CCDC178: variants seen among roughly 807,000 people sequenced by gnomAD.
CCDC178 encodes the protein coiled-coil domain-containing protein 178.
CCDC178 carries 126 observed loss-of-function variants against 117.4 expected under a neutral mutation model. That is an observed-to-expected ratio of 1.07 (90% CI 0.93 to 1.24). The LOEUF (loss-of-function observed/expected upper bound fraction) is 1.24. Among genes scored for constraint, CCDC178 ranks in the 50% most tolerant of loss-of-function variants. The pLI is 0.00. For synonymous variants in CCDC178, 283 were observed against 313.4 expected (o/e 0.90, Z 1.02); for missense variants, 1,030 against 986.9 (o/e 1.04, Z -0.59).
At chr18:32,961,787 C>T (rs1195976743) in intron 22 of CCDC178, among the ~76,000 whole-genome samples, 4 of 152,084 alleles carry the variant, frequency 2.6e-5, no homozygotes, top group Admixed American at 6.6e-5. Context: ...GGCTGCTCAC[C>T]TTCTACTGTG....
chr18:33,369,896 T>C (rs1260560575), intron 6 of CCDC178, among the ~76,000 whole-genome samples, 154 bp downstream of exon 6: 1 of 152,012 alleles, frequency 6.6e-6, no homozygotes, highest in Non-Finnish European at 1.5e-5. Flanking sequence ...AAAACATGTC[T>C]AGACTAGTAA....
intron 15 of CCDC178, among the ~76,000 whole-genome samples, chr18:33,228,410 T>C (rs761048486): frequency 1.4e-4 from 21 of 152,208 alleles, no homozygotes; most frequent in Non-Finnish European, 1.9e-4. Context: ...ATTAATATTG[T>C]TTGAAAAGAA....
At chr18:33,187,693 A>C (rs189111924) in intron 20 of CCDC178, among the ~76,000 whole-genome samples, 301 of 152,296 alleles carry the variant, frequency 2.0e-3, no homozygotes, top group Non-Finnish European at 2.9e-3. Flanking sequence ...GATCAGGCCA[A>C]ATTTATTCAT....
intron 20 of CCDC178, among the ~76,000 whole-genome samples, chr18:33,097,694 T>C (rs545050957): frequency 1.3e-4 from 20 of 152,200 alleles, no homozygotes; most frequent in Non-Finnish European, 2.8e-4. Context: ...TCATAAAATG[T>C]AATGACATTA....
chr18:33,002,070 T>C (rs2055647784), intron 21 of CCDC178, among the ~76,000 whole-genome samples: 1 of 152,116 alleles, frequency 6.6e-6, no homozygotes, highest in African/African-American at 2.4e-5. Context: ...AATCTCAACA[T>C]AATAACAGCT....
chr18:33,343,567 C>T (rs539062396), intron 9 of CCDC178, among the ~76,000 whole-genome samples: 8 of 152,190 alleles, frequency 5.3e-5, no homozygotes, highest in African/African-American at 1.9e-4. Context: ...TGGTCTCTTG[C>T]CACAGATTCC....
chr18:33,011,589 C>A (rs920646294), intron 21 of CCDC178, among the ~76,000 whole-genome samples: 2 of 151,608 alleles, frequency 1.3e-5, no homozygotes, highest in African/African-American at 2.4e-5. Flanking sequence ...ACATCATTAG[C>A]AACATGAAAC....
chr18:33,343,344 A>G (rs1038639814), intron 9 of CCDC178, among the ~76,000 whole-genome samples: 1 of 152,224 alleles, frequency 6.6e-6, no homozygotes, highest in Non-Finnish European at 1.5e-5. Flanking sequence ...TTGTAGGATC[A>G]TATACTACCA....
intron 5 of CCDC178, among the ~76,000 whole-genome samples, chr18:33,386,140 C>T (rs2063488652): frequency 6.6e-6 from 1 of 152,022 alleles, no homozygotes; most frequent in South Asian, 2.1e-4. Flanking sequence ...CCTCCCAGGT[C>T]GGGGGGTGAA....
At chr18:33,408,232 A>T (rs1185040358) in intron 3 of CCDC178, among the ~76,000 whole-genome samples, 1 of 152,008 alleles carries the variant, frequency 6.6e-6, no homozygotes, top group Non-Finnish European at 1.5e-5. Flanking sequence ...ATAAAGAATG[A>T]TCTTTACAAA....
At chr18:33,355,914 C>T (rs538720958) in intron 7 of CCDC178, among the ~76,000 whole-genome samples, 3 of 152,286 alleles carry the variant, frequency 2.0e-5, no homozygotes, top group Admixed American at 2.0e-4. Context: ...GTGTACACTG[C>T]TCTCTTCATA....
At chr18:33,222,354 CTTAG>C (rs1239566499) in intron 18 of CCDC178, among the ~76,000 whole-genome samples, 1 of 148,680 alleles carries the variant, frequency 6.7e-6, no homozygotes, top group Non-Finnish European at 1.5e-5. Flanking sequence ...TTCTTCCTGT[CTTAG>C]TTTGTTTAGG....
intron 11 of CCDC178, among the ~76,000 whole-genome samples, chr18:33,316,272 G>T (rs7234027): frequency 6.6e-6 from 1 of 152,192 alleles, no homozygotes; most frequent in African/African-American, 2.4e-5. Flanking sequence ...GTGCTTGCGG[G>T]ATAGCGCGAG....
chr18:33,169,688 G>A (rs1162402307), intron 20 of CCDC178, among the ~76,000 whole-genome samples: 4 of 152,046 alleles, frequency 2.6e-5, no homozygotes, highest in Non-Finnish European at 1.5e-5. Flanking sequence ...CTAGATACCA[G>A]TGTGCTGTTT....
chr18:33,108,779 T>C (rs2057740631), intron 20 of CCDC178, among the ~76,000 whole-genome samples: 1 of 151,692 alleles, frequency 6.6e-6, no homozygotes, highest in African/African-American at 2.4e-5. Flanking sequence ...TAGCAAACTA[T>C]ATAAACGGTT....
At chr18:33,423,996 TTAA>T (rs1448728675) in intron 2 of CCDC178, among the ~76,000 whole-genome samples, 5 of 152,194 alleles carry the variant, frequency 3.3e-5, no homozygotes, top group African/African-American at 9.6e-5. Flanking sequence ...AGCTATGCAA[TTAA>T]TAATAAACTA....
intron 21 of CCDC178, among the ~76,000 whole-genome samples, chr18:33,084,533 C>T (rs993669337): frequency 1.3e-5 from 2 of 152,050 alleles, no homozygotes; most frequent in African/African-American, 4.8e-5. Flanking sequence ...GGATTAACGG[C>T]CGAGCACAGT....
intron 16 of CCDC178, among the ~76,000 whole-genome samples, chr18:33,226,196 A>G (rs904254539): frequency 6.6e-6 from 1 of 152,082 alleles, no homozygotes; most frequent in African/African-American, 2.4e-5. Flanking sequence ...ACAAACAAAA[A>G]CACTGAAACT....
chr18:33,421,158 G>A (rs762560926), intron 2 of CCDC178, among the ~76,000 whole-genome samples: 13 of 152,150 alleles, frequency 8.5e-5, no homozygotes, highest in Non-Finnish European at 1.5e-4. Context: ...TGACAAATAT[G>A]CAAAGGTTCT....
Sources: gnomAD v4.1 joint callset for allele counts (sites outside exome capture counted in the v4.1 genomes callset) on GRCh38, gnomAD v4.1.1 for gene constraint, MANE v1.5 for transcripts, NCBI Gene and HGNC (gene_info 2026-07-23, HGNC 2026-07-21) for gene names.